RANBP17: variants seen among roughly 807,000 people sequenced by gnomAD.
The protein encoded by RANBP17 is ran-binding protein 17.
A neutral mutation model predicts 141.2 loss-of-function variants in RANBP17; 158 were observed. The observed-to-expected ratio is 1.12, with a 90% confidence interval of 0.98 to 1.28. The LOEUF is 1.28. RANBP17 is among the 50% of genes most tolerant of loss of function. RANBP17 has a pLI of 0.00. For synonymous variants in RANBP17, 430 were observed against 450.0 expected (o/e 0.96, Z 0.56); for missense variants, 1,438 against 1,290.7 (o/e 1.11, Z -1.75).
chr5:171,277,633 G>GTATATATATATA (rs1767582267), intron 25 of RANBP17, among the ~76,000 whole-genome samples: 1 of 19,618 alleles, frequency 5.1e-5, no homozygotes, highest in African/African-American at 4.4e-4. Flanking sequence ...ATACATATAT[G>GTATATATATATA]TATGTATATA....
chr5:170,999,073 T>C (rs1779027963), intron 14 of RANBP17, among the ~76,000 whole-genome samples: 1 of 152,136 alleles, frequency 6.6e-6, no homozygotes, highest in Admixed American at 6.5e-5. Flanking sequence ...TTGCTAGTAT[T>C]GGAGAGAAAA....
At chr5:171,185,643 C>T (rs956151559) in intron 18 of RANBP17, among the ~76,000 whole-genome samples, 6 of 152,210 alleles carry the variant, frequency 3.9e-5, no homozygotes, top group Non-Finnish European at 8.8e-5. Flanking sequence ...TGGAGCAATT[C>T]AGTCACATCT....
rs1768723845 is a variant in RANBP17, at chr5:170,881,851, G to A, written c.211G>A (p.Val71Ile). ...LLAATCLSKLVSRVSPLPVEQ... is the reference protein window; with the variant it reads ...LLAATCLSKLISRVSPLPVEQ... ...TGCAGCAACATGTCTTTCAAAACTT[G>A]TCAGCCGAGTCAGTCCTTTACCTGT... The change falls in exon 3 of 28, where the codon GTC becomes ATC. Residue 71 changes from valine (V) to isoleucine (I), a missense_variant. Physicochemically the swap from Val to Ile is conservative, Grantham distance 29. Coordinates refer to ENST00000523189, the MANE Select transcript of RANBP17 (RefSeq NM_022897.5). The A allele has an allele frequency of 6.2e-7, 1 of 1,610,056 alleles. No individual in the cohort carries two copies.
intron 14 of RANBP17, among the ~76,000 whole-genome samples, chr5:171,094,289 G>A (rs1263624542): frequency 6.6e-6 from 1 of 152,080 alleles, no homozygotes; most frequent in Non-Finnish European, 1.5e-5. Context: ...GAGGTTTAAT[G>A]CCTTAGGCAA....
At chr5:171,292,537 T>A (rs1232419263) in intron 25 of RANBP17, among the ~76,000 whole-genome samples, 1 of 152,192 alleles carries the variant, frequency 6.6e-6, no homozygotes, top group Non-Finnish European at 1.5e-5. Context: ...CAAAACCAAC[T>A]GTGTTCCAAA....
chr5:170,866,606 C>T (rs1396161681), intron 1 of RANBP17, among the ~76,000 whole-genome samples: 2 of 151,314 alleles, frequency 1.3e-5, no homozygotes, highest in African/African-American at 4.9e-5. Context: ...ACCCGGGAGG[C>T]GGAGCTTGCA....
intron 14 of RANBP17, among the ~76,000 whole-genome samples, chr5:171,001,894 A>G (rs1022155253): frequency 6.6e-6 from 1 of 152,086 alleles, no homozygotes; most frequent in Admixed American, 6.5e-5. Flanking sequence ...AAAGGCCTCT[A>G]CCCATCCAGT....
chr5:170,927,887 A>G (rs1773055373), intron 12 of RANBP17, among the ~76,000 whole-genome samples: 2 of 152,038 alleles, frequency 1.3e-5, no homozygotes, highest in South Asian at 4.1e-4. Context: ...TTGGATAGGT[A>G]CCTAAGATGA....
At chr5:171,112,407 G>A (rs912971213) in intron 14 of RANBP17, among the ~76,000 whole-genome samples, 21 of 151,766 alleles carry the variant, frequency 1.4e-4, no homozygotes, top group Admixed American at 7.2e-4. Flanking sequence ...GATAAAAATG[G>A]CATATTGTGT....
chr5:170,933,103 T>A (rs1773542511), intron 12 of RANBP17, among the ~76,000 whole-genome samples: 1 of 152,198 alleles, frequency 6.6e-6, no homozygotes, highest in South Asian at 2.1e-4. Context: ...GTTATTGGTC[T>A]ATTCAGGGAT....
chr5:171,213,796 A>C (rs774120134), intron 21 of RANBP17, 58 bp downstream of exon 21: 1 of 1,266,002 alleles, frequency 7.9e-7, no homozygotes, highest in Non-Finnish European at 1.2e-6. Flanking sequence ...AATCTCCAAC[A>C]GTCAGACTTT....
intron 18 of RANBP17, among the ~76,000 whole-genome samples, chr5:171,186,767 A>G (rs995994650): frequency 6.7e-6 from 1 of 150,196 alleles, no homozygotes; most frequent in South Asian, 2.1e-4. Context: ...CGATCTCCTG[A>G]CCTCGTGATC....
At chr5:171,252,431 A>G in intron 24 of RANBP17, 1 of 1,509,906 alleles carries the variant, frequency 6.6e-7, no homozygotes, top group Non-Finnish European at 9.2e-7. Context: ...GTTGACGTGG[A>G]ACAAAATACA....
At chr5:171,098,069 C>G (rs912662205) in intron 14 of RANBP17, among the ~76,000 whole-genome samples, 5 of 152,096 alleles carry the variant, frequency 3.3e-5, no homozygotes, top group Admixed American at 1.3e-4. Context: ...CAAGTCTCTG[C>G]TATTGTGAAT....
chr5:170,911,484 G>T, intron 7 of RANBP17: 2 of 694,758 alleles, frequency 2.9e-6, no homozygotes, highest in South Asian at 2.9e-5. Context: ...TCAGGTGCTG[G>T]TCAAACCTTT....
intron 14 of RANBP17, among the ~76,000 whole-genome samples, chr5:171,102,024 AT>A (rs1208954931): frequency 6.6e-6 from 1 of 151,672 alleles, no homozygotes; most frequent in Non-Finnish European, 1.5e-5. Context: ...TGCCCTTAAC[AT>A]TTTTTCCTTC....
chr5:171,253,119 G>A (rs970443943), intron 24 of RANBP17: 51 of 611,790 alleles, frequency 8.3e-5, no homozygotes, highest in Non-Finnish European at 1.2e-4. Flanking sequence ...CTTTGCACAC[G>A]ATAAAGCAAA....
At chr5:170,862,675 G>A (rs1164940611) in intron 1 of RANBP17, among the ~76,000 whole-genome samples, 1 of 152,202 alleles carries the variant, frequency 6.6e-6, no homozygotes, top group African/African-American at 2.4e-5. Context: ...CGCGGGCGCG[G>A]GCGCGGACGC....
rs1223251897 is a variant in RANBP17 at position 171,097,922 on chromosome 5, T to G, written c.1711-72208T>G. On this transcript the variant is annotated intron_variant, in intron 14 of 27. Coordinates refer to ENST00000523189, the MANE Select transcript of RANBP17 (RefSeq NM_022897.5). ...TGTTTCTGTGTTAGTTTGCTGAGAA[T>G]GATGGTTTCCAGCTTCATCCATGTC... 3.3e-5 allele frequency among the ~76,000 whole-genome samples: 5 copies of G among 152,160 alleles called. No individual in the cohort carries two copies. The East Asian group carries it at 9.7e-4, about 29-fold the overall frequency.
Sources: gnomAD v4.1 joint callset for allele counts (sites outside exome capture counted in the v4.1 genomes callset) on GRCh38, gnomAD v4.1.1 for gene constraint, MANE v1.5 for transcripts, NCBI Gene and HGNC (gene_info 2026-07-23, HGNC 2026-07-21) for gene names.